Variants in KIF11 observed in about 807,000 individuals in gnomAD.
The protein encoded by KIF11 is kinesin family member 11.
Under a neutral mutation model 121.0 loss-of-function variants are expected in KIF11, and 9 were observed. The ratio of observed to expected loss-of-function variants is 0.07; its 90% CI spans 0.04 to 0.13. The LOEUF (loss-of-function observed/expected upper bound fraction) is 0.13, where lower values mean the gene tolerates loss of function less well. Among genes scored for constraint, KIF11 ranks in the 10% least tolerant of loss-of-function variants. The pLI is 1.00. For synonymous variants in KIF11, 408 were observed against 421.0 expected, an observed-to-expected ratio of 0.97 and a Z score of 0.38; for missense variants, 846 against 1,217.5, an observed-to-expected ratio of 0.69 and a Z score of 4.54.
intron 1 of KIF11, among the ~76,000 whole-genome samples, chr10:92,601,342 A>G (rs1311744569): frequency 6.6e-6 from 1 of 151,944 alleles, no homozygotes; most frequent in Admixed American, 6.6e-5. Context: ...CTTGTACTAC[A>G]GGCATGTGCC....
At chr10:92,650,343 C>G (rs1441752047) in intron 20 of KIF11, 58 bp from the exon 21 acceptor site, 2 of 955,244 alleles carry the variant, frequency 2.1e-6, no homozygotes, top group East Asian at 2.4e-5. Context: ...GCTGCTGTTA[C>G]TCTTGTGATG....
At chr10:92,618,283 T>G (rs1019334567) in intron 9 of KIF11, among the ~76,000 whole-genome samples, 1 of 151,658 alleles carries the variant, frequency 6.6e-6, no homozygotes, top group Admixed American at 6.6e-5. Context: ...TTGATGTTTT[T>G]TTTTTTTTTA....
chr10:92,613,009 A>G lies in KIF11; in HGVS notation c.699-31A>G. On this transcript the variant is annotated intron_variant, in intron 6 of 21. Coordinates refer to ENST00000260731, the MANE Select transcript of KIF11 (RefSeq NM_004523.4). This position sits in a 1 kb window ranked among gnomAD's most constrained non-coding sequence, Gnocchi z 4.2. ...AGCAGCAAATGCTATTTTACATTAT[A>G]ATGACTGGGCAACTTGATATTGTTT... The G allele has an allele frequency of 7.6e-7, 1 of 1,315,614 alleles. No homozygotes were observed. The highest frequency in any genetic ancestry group is 1.1e-6 in the Non-Finnish European group (1 of 921,222). 81.5% of individuals were successfully genotyped at this position (1,315,614 alleles called of 1,614,324 possible).
At chr10:92,619,097 A>G (rs910756235) in intron 9 of KIF11, among the ~76,000 whole-genome samples, 2 of 150,938 alleles carry the variant, frequency 1.3e-5, no homozygotes, top group African/African-American at 4.9e-5. Context: ...GCTCACAGCA[A>G]CCTCCGCCTC....
intron 11 of KIF11, 51 bp downstream of exon 11, chr10:92,628,946 GAA>G (rs765755312): frequency 1.1e-5 from 11 of 962,460 alleles, no homozygotes; most frequent in Non-Finnish European, 1.6e-5. Context: ...AATATTGAAA[GAA>G]AATTTTAGAA....
intron 17 of KIF11, among the ~76,000 whole-genome samples, chr10:92,640,137 G>A (rs529261159): frequency 2.6e-5 from 4 of 151,888 alleles, no homozygotes; most frequent in African/African-American, 7.2e-5. Flanking sequence ...ATATATTTTC[G>A]AATTTCCTCA....
chr10:92,636,283 C>G (rs1844794307), intron 14 of KIF11, among the ~76,000 whole-genome samples: 1 of 152,128 alleles, frequency 6.6e-6, no homozygotes, highest in Admixed American at 6.5e-5. Context: ...ATCTTATTAA[C>G]TGTCATTTTC....
At chr10:92,607,599 A>C (rs774395856) in intron 4 of KIF11, among the ~76,000 whole-genome samples, 8 of 152,174 alleles carry the variant, frequency 5.3e-5, no homozygotes, top group Non-Finnish European at 1.0e-4. Context: ...GGCCAGGGGA[A>C]GTATAGTACT....
At chr10:92,643,684 G>C (rs1225239085) in intron 17 of KIF11, among the ~76,000 whole-genome samples, 1 of 151,184 alleles carries the variant, frequency 6.6e-6, no homozygotes, top group African/African-American at 2.4e-5. Flanking sequence ...AGCCTCCCAA[G>C]TAGCTGGGAT....
chr10:92,636,037 C>T (rs1379159568), intron 14 of KIF11, among the ~76,000 whole-genome samples: 1 of 152,092 alleles, frequency 6.6e-6, no homozygotes, highest in Non-Finnish European at 1.5e-5. Flanking sequence ...CCAATCTATA[C>T]TACATTCTTA....
At chr10:92,594,382 A>G (rs1187744281) in intron 1 of KIF11, among the ~76,000 whole-genome samples, 2 of 152,238 alleles carry the variant, frequency 1.3e-5, no homozygotes, top group African/African-American at 4.8e-5. Flanking sequence ...AAGGTGTCAG[A>G]GAGGAAATTG....
chr10:92,593,290 T>C lies in KIF11; in HGVS notation c.-86T>C, dbSNP rs1844251616. 3 of 1,399,606 alleles carry C rather than the reference T, an allele frequency of 2.1e-6. No homozygotes were observed. The highest frequency in any genetic ancestry group is 2.9e-6 in the Non-Finnish European group (3 of 1,020,146). 86.7% of individuals were successfully genotyped at this position (1,399,606 alleles called of 1,614,324 possible). A position where few individuals can be genotyped will look rare whatever the true frequency, so the allele number is the denominator to read the frequency against. Reference sequence around the variant, plus strand: ...AGCGCCCGAGAGGGACCAGGGAGACTCCGGCCCCTGTCGGCCGCCAAGCCC... The same window carrying C: ...AGCGCCCGAGAGGGACCAGGGAGACCCCGGCCCCTGTCGGCCGCCAAGCCC... On this transcript the variant is annotated 5_prime_UTR_variant, in exon 1 of 22. Transcript: ENST00000260731.
intron 10 of KIF11, among the ~76,000 whole-genome samples, chr10:92,627,891 G>A (rs1415053161): frequency 2.6e-5 from 4 of 152,100 alleles, no homozygotes; most frequent in Admixed American, 1.3e-4. Flanking sequence ...ATTAGAGTGG[G>A]TATAGGGGGC....
intron 14 of KIF11, 45 bp from the exon 15 acceptor site, chr10:92,637,139 G>A: frequency 4.1e-6 from 6 of 1,470,898 alleles, no homozygotes; most frequent in Non-Finnish European, 4.6e-6. Flanking sequence ...TTACAGAAGT[G>A]GAAATATTCT....
intron 17 of KIF11, among the ~76,000 whole-genome samples, chr10:92,643,555 A>ATTTTTTTT (rs368633432): frequency 8.1e-6 from 1 of 123,460 alleles, no homozygotes; most frequent in African/African-American, 3.3e-5. Context: ...TATCTACTAG[A>ATTTTTTTT]TTTTTTTTTT....
chr10:92,594,155 G>A (rs1029858172), intron 1 of KIF11, among the ~76,000 whole-genome samples: 4 of 152,150 alleles, frequency 2.6e-5, no homozygotes, highest in African/African-American at 9.7e-5. Flanking sequence ...ACTTTTTAGA[G>A]GCTCTCCACA....
chr10:92,617,850 C>A (rs577103170), intron 9 of KIF11, among the ~76,000 whole-genome samples: 1 of 151,770 alleles, frequency 6.6e-6, no homozygotes, highest in Non-Finnish European at 1.5e-5. Context: ...AGTGATTCTT[C>A]GACCTCAGTC....
rs145689385 is a variant in KIF11, at chr10:92,637,260, A to G, written c.1952A>G (p.Asn651Ser). The change falls in exon 15 of 22, where the codon AAT becomes AGT. Residue 651 changes from asparagine (N) to serine (S), a missense_variant. Asn to Ser is a conservative substitution (Grantham distance 46, BLOSUM62 1). Coordinates refer to ENST00000260731, the MANE Select transcript of KIF11 (RefSeq NM_004523.4). ...ACTGTGGTGTCTATACTGAAAATCA[A>G]TAGTCAACTAAAGCATATTTTCAAG... Reference protein sequence around the residue: ...SPTVVSILKINSQLKHIFKTS... With the variant: ...SPTVVSILKISSQLKHIFKTS... 2.8e-4 allele frequency: 446 copies of G among 1,590,510 alleles called. 3 individuals are homozygous for G. The highest frequency in any genetic ancestry group is 5.3e-5 in the Non-Finnish European group (62 of 1,174,704).
chr10:92,620,789 T>C (rs1844608117), intron 9 of KIF11, among the ~76,000 whole-genome samples: 1 of 152,110 alleles, frequency 6.6e-6, no homozygotes, highest in Non-Finnish European at 1.5e-5. Flanking sequence ...AACCATCAGA[T>C]CTCGTGAGAC....
Sources: gnomAD v4.1 joint callset for allele counts (sites outside exome capture counted in the v4.1 genomes callset) on GRCh38, gnomAD v4.1.1 for gene constraint, Gnocchi (gnomAD v3.1) non-coding constraint, MANE v1.5 for transcripts, NCBI Gene and HGNC (gene_info 2026-07-23, HGNC 2026-07-21) for gene names.